Variants in QSER1 observed in about 807,000 individuals in gnomAD.
The protein encoded by QSER1 is glutamine and serine-rich protein 1.
QSER1 carries 49 observed loss-of-function variants against 158.5 expected under a neutral mutation model. The ratio of observed to expected loss-of-function variants is 0.31; its 90% CI spans 0.25 to 0.39. The LOEUF (loss-of-function observed/expected upper bound fraction) is 0.39, where lower values mean the gene tolerates loss of function less well. Among genes scored for constraint, QSER1 ranks in the 10% least tolerant of loss-of-function variants. The probability of loss-of-function intolerance (pLI) is 1.00; values close to 1 mark genes in which losing one functional copy is unlikely to be tolerated. For synonymous variants in QSER1, 650 were observed against 715.5 expected, an observed-to-expected ratio of 0.91 and a Z score of 1.46; for missense variants, 1,754 against 2,010.3, an observed-to-expected ratio of 0.87 and a Z score of 2.44.
chr11:32,949,728 T>TA (rs1852391272), intron 4 of QSER1, among the ~76,000 whole-genome samples: 1 of 152,228 alleles, frequency 6.6e-6, no homozygotes, highest in Non-Finnish European at 1.5e-5. Flanking sequence ...TATGGGCTCC[T>TA]AACGTGATTA....
At position 32,979,167 on chromosome 11, in the gene QSER1, G is replaced by A. The variant is rs536081158; in HGVS notation, c.*2693G>A. On this transcript the variant is annotated 3_prime_UTR_variant, in exon 13 of 13. Transcript: ENST00000650167. Reference sequence around the variant, plus strand: ...CGGTCTGTCTTTGAAAAGTTGTAATGCGGCGCATGACTATAAATACCTAGC... The same window carrying A: ...CGGTCTGTCTTTGAAAAGTTGTAATACGGCGCATGACTATAAATACCTAGC... 1 of 152,764 alleles carries A rather than the reference G, an allele frequency of 6.5e-6. No homozygotes were observed. Among genetic ancestry groups the A allele is most frequent in the South Asian group, 2.1e-4 (1 of 4,830 alleles). The allele number at this position is 152,764 out of a possible 1,614,324, so 9.5% of individuals were successfully genotyped here. A position where few individuals can be genotyped will look rare whatever the true frequency, so the allele number is the denominator to read the frequency against.
At chr11:32,897,800 T>C (rs1289997237) in intron 1 of QSER1, among the ~76,000 whole-genome samples, 1 of 152,212 alleles carries the variant, frequency 6.6e-6, no homozygotes, top group Non-Finnish European at 1.5e-5. Context: ...CTTAATGATA[T>C]GCTTTCCCCA....
Position 32,953,998 on chromosome 11 carries a change from C to T in QSER1, c.4319C>T (p.Ser1440Phe), listed in dbSNP as rs769864869. The T allele has an allele frequency of 2.5e-6, 4 of 1,614,096 alleles. No individual in the cohort carries two copies. Among genetic ancestry groups the T allele is most frequent in the Non-Finnish European group, 3.4e-6 (4 of 1,179,980 alleles). Residue 1440 changes from serine to phenylalanine, a missense_variant, in exon 5 of 13, where the codon TCT becomes TTT. This residue lies in a region of QSER1 where 1,707 missense variants were observed against 1,919.6 expected (regional missense o/e 0.89). Transcript: ENST00000650167. ...YAVNILENIS[S>F]SESSKPIELD... ...GTAAATATTCTGGAAAATATAAGCT[C>T]TTCAGAATCCTCAAAGCCCATTGAA...
At chr11:32,945,812 G>A (rs1852321612) in intron 4 of QSER1, among the ~76,000 whole-genome samples, 1 of 152,000 alleles carries the variant, frequency 6.6e-6, no homozygotes, top group African/African-American at 2.4e-5. Context: ...AATTCTCCTG[G>A]ATAATACCCT....
At chr11:32,905,022 G>A (rs891724634) in intron 1 of QSER1, among the ~76,000 whole-genome samples, 1 of 152,154 alleles carries the variant, frequency 6.6e-6, no homozygotes, top group African/African-American at 2.4e-5. Context: ...TATGTTTAAT[G>A]GGGGATATTC....
intron 10 of QSER1, among the ~76,000 whole-genome samples, chr11:32,969,655 T>A (rs998538735): frequency 6.6e-6 from 1 of 151,718 alleles, no homozygotes; most frequent in Non-Finnish European, 1.5e-5. Flanking sequence ...CTTGGTAGTT[T>A]AAAAATTTCT....
chr11:32,925,494 T>TCTTA lies in QSER1; in HGVS notation c.210-1663_210-1662insCTTA, dbSNP rs1554926206. ...CTACTGGAATGTTGATACATCGCTT[T>TCTTA]TTTATTTATTTATTTATTTATTTAT... is the stretch of plus-strand genomic sequence containing the variant. On this transcript the variant is annotated intron_variant, in intron 1 of 12. Transcript: ENST00000650167. 3.5e-5 allele frequency among the ~76,000 whole-genome samples: 5 copies of TCTTA among 143,646 alleles called. No individual in the cohort carries two copies. The East Asian group carries it at 1.0e-3, about 29-fold the overall frequency. The allele number at this position is 143,646 out of a possible 152,430, so 94.2% of individuals were successfully genotyped here. A position where few individuals can be genotyped will look rare whatever the true frequency, so the allele number is the denominator to read the frequency against.
chr11:32,934,193 A>G lies in QSER1; in HGVS notation c.2935A>G (p.Asn979Asp). 3 of 1,614,004 alleles carry G rather than the reference A, an allele frequency of 1.9e-6. No homozygotes were observed. Among genetic ancestry groups the G allele is most frequent in the Non-Finnish European group, 1.7e-6 (2 of 1,180,004 alleles). ...TAGTGATGAAAGAAATATTTTATCAAATGTAGATGATATCTTAGCAGCTAC... is the reference window on the plus strand; with the variant it reads ...TAGTGATGAAAGAAATATTTTATCAGATGTAGATGATATCTTAGCAGCTAC... ...LLSDERNILS[N>D]VDDILAATAA... The change falls in exon 4 of 13, where the codon AAT becomes GAT. Residue 979 changes from asparagine to aspartate, a missense_variant. Physicochemically the swap from Asn to Asp is conservative, Grantham distance 23 (BLOSUM62 1). Around this residue, in one of 2 missense-constraint regions of QSER1, gnomAD observed 1,707 missense variants for 1,919.6 expected, o/e 0.89. Coordinates refer to ENST00000650167, the MANE Select transcript of QSER1 (RefSeq NM_001076786.3).
rs1390746684 is a variant in QSER1, at chr11:32,934,926, A to G, written c.3668A>G (p.Lys1223Arg). Reference protein sequence around the residue: ...EEDNSNQKQLKRPAQGKRQNP... With the variant: ...EEDNSNQKQLRRPAQGKRQNP... ...GACAACAGTAATCAGAAACAGCTGA[A>G]AAGACCTGCCCAAGGCAAACGCCAG... is the stretch of plus-strand genomic sequence containing the variant. Residue 1223 changes from lysine to arginine, a missense_variant, in exon 4 of 13, where the codon AAA (lysine) becomes AGA (arginine). Transcript: ENST00000650167. 1 of 1,613,676 alleles carries G rather than the reference A, an allele frequency of 6.2e-7. No homozygotes were observed. Among genetic ancestry groups the G allele is most frequent in the Non-Finnish European group, 8.5e-7 (1 of 1,179,954 alleles).
At chr11:32,965,201 T>G (rs952337018) in intron 8 of QSER1, among the ~76,000 whole-genome samples, 1 of 152,136 alleles carries the variant, frequency 6.6e-6, no homozygotes, top group Admixed American at 6.6e-5. Flanking sequence ...AGTCTCAACC[T>G]CCGGGACTCA....
chr11:32,921,194 T>G (rs1006945402), intron 1 of QSER1, among the ~76,000 whole-genome samples: 1 of 152,248 alleles, frequency 6.6e-6, no homozygotes, highest in African/African-American at 2.4e-5. Context: ...TATATCCATG[T>G]TGTAATAAGG....
intron 4 of QSER1, among the ~76,000 whole-genome samples, chr11:32,947,942 T>C (rs1852362956): frequency 6.6e-6 from 1 of 152,230 alleles, no homozygotes; most frequent in African/African-American, 2.4e-5. Context: ...CATATCTATG[T>C]TTTCTTTTGG....
chr11:32,971,980 G>A (rs1001280628), intron 10 of QSER1, among the ~76,000 whole-genome samples: 2 of 151,040 alleles, frequency 1.3e-5, no homozygotes, highest in East Asian at 2.0e-4. Context: ...GGAGAATGGC[G>A]TGAACCCAGG....
At chr11:32,898,030 A>G (rs1851577615) in intron 1 of QSER1, among the ~76,000 whole-genome samples, 1 of 152,136 alleles carries the variant, frequency 6.6e-6, no homozygotes, top group Non-Finnish European at 1.5e-5. Context: ...TAGCTTCCTA[A>G]CTTAGTCATC....
At chr11:32,948,437 G>A (rs1176995654) in intron 4 of QSER1, among the ~76,000 whole-genome samples, 1 of 152,036 alleles carries the variant, frequency 6.6e-6, no homozygotes, top group Admixed American at 6.6e-5. Context: ...TTTAGCTGGG[G>A]AAACATAGTG....
chr11:32,970,843 A>G (rs1852838252), intron 10 of QSER1, among the ~76,000 whole-genome samples: 1 of 152,054 alleles, frequency 6.6e-6, no homozygotes, highest in Non-Finnish European at 1.5e-5. Context: ...AAAAATTACC[A>G]GGTTTGGCTA....
intron 1 of QSER1, among the ~76,000 whole-genome samples, chr11:32,898,145 C>T (rs1482575572): frequency 6.6e-6 from 1 of 152,140 alleles, no homozygotes; most frequent in East Asian, 1.9e-4. Context: ...TGCTTAAAGC[C>T]TTTCCATGGC....
intron 1 of QSER1, among the ~76,000 whole-genome samples, chr11:32,898,256 G>C (rs1256424285): frequency 1.3e-5 from 2 of 152,168 alleles, no homozygotes; most frequent in East Asian, 1.9e-4. Flanking sequence ...TGAGGTGGGA[G>C]TATTGCTTGA....
At chr11:32,955,812 TG>T in intron 6 of QSER1, among the ~76,000 whole-genome samples, 175 bp from the exon 7 acceptor site, 1 of 152,302 alleles carries the variant, frequency 6.6e-6, no homozygotes, top group East Asian at 1.9e-4. Context: ...TGAGATTGCT[TG>T]TACATATGAA....
Sources: gnomAD v4.1 joint callset for allele counts (sites outside exome capture counted in the v4.1 genomes callset) on GRCh38, gnomAD v4.1.1 for gene constraint, gnomAD v4.1.1 regional missense constraint, MANE v1.5 for transcripts, NCBI Gene and HGNC (gene_info 2026-07-23, HGNC 2026-07-21) for gene names.